The following KCNK3 variants were observed in gnomAD, a reference collection of about 807,000 sequenced individuals.
KCNK3 encodes the protein potassium two pore domain channel subfamily K member 3, also known as potassium channel subfamily K member 3.
In KCNK3, 9 loss-of-function variants were observed where a neutral mutation model predicts 27.3. The observed-to-expected ratio is 0.33, with a 90% CI of 0.20 to 0.57. KCNK3 has a LOEUF of 0.57. KCNK3 is among the 20% of genes least tolerant of loss of function. The probability of loss-of-function intolerance (pLI) is 0.87; values close to 1 mark genes in which losing one functional copy is unlikely to be tolerated. For missense variants in KCNK3, 391 were observed against 577.7 expected, an observed-to-expected ratio of 0.68 and a Z score of 3.31; for synonymous variants, 278 against 273.8, an observed-to-expected ratio of 1.02 and a Z score of -0.15.
At chr2:26,699,368 G>A (rs977779188) in intron 1 of KCNK3, among the ~76,000 whole-genome samples, 2 of 152,242 alleles carry the variant, frequency 1.3e-5, no homozygotes, top group African/African-American at 2.4e-5. Flanking sequence ...ACGCATTACC[G>A]TTAGGGGCTG....
Position 26,727,692 on chromosome 2 carries a change from G to C in KCNK3, c.309G>C (p.Thr103=). 6.5e-7 allele frequency: 1 copy of C among 1,528,760 alleles called. No homozygotes were observed. The highest frequency in any genetic ancestry group is 8.8e-7 in the Non-Finnish European group (1 of 1,136,412). The allele number at this position is 1,528,760 out of a possible 1,614,324, so 94.7% of individuals were successfully genotyped here. A position where few individuals can be genotyped will look rare whatever the true frequency, so the allele number is the denominator to read the frequency against. The change falls in exon 2 of 2, where the codon ACG becomes ACC. Residue 103 remains threonine, a synonymous_variant. Coordinates refer to ENST00000302909, the MANE Select transcript of KCNK3 (RefSeq NM_002246.3). The part of the protein sequence containing the change: ...TIGYGHAAPS[T]DGGKVFCMFY... ...GCTACGGGCACGCGGCACCCAGCAC[G>C]GATGGCGGCAAGGTGTTCTGCATGT...
chr2:26,712,604 C>T (rs1663141846), intron 1 of KCNK3, among the ~76,000 whole-genome samples: 2 of 151,932 alleles, frequency 1.3e-5, no homozygotes, highest in East Asian at 1.9e-4. Flanking sequence ...ACCCTATAAC[C>T]TATCGGGATG....
chr2:26,724,158 G>A (rs373274686), intron 1 of KCNK3, among the ~76,000 whole-genome samples: 13 of 152,192 alleles, frequency 8.5e-5, no homozygotes, highest in Non-Finnish European at 1.6e-4. Flanking sequence ...CAAGTTGGGC[G>A]CCCACGTCAG....
intron 1 of KCNK3, among the ~76,000 whole-genome samples, chr2:26,703,824 G>A (rs1346176427): frequency 2.0e-5 from 3 of 152,174 alleles, no homozygotes; most frequent in Admixed American, 6.5e-5. Flanking sequence ...TGAACAATGC[G>A]TGAGGACTTC....
At chr2:26,694,457 A>G (rs1477359922) in intron 1 of KCNK3, among the ~76,000 whole-genome samples, 1 of 152,170 alleles carries the variant, frequency 6.6e-6, no homozygotes, top group African/African-American at 2.4e-5. Context: ...AAAAGGCAGG[A>G]CTAGACACTC....
intron 1 of KCNK3, among the ~76,000 whole-genome samples, chr2:26,698,672 A>G (rs974341811): frequency 5.3e-5 from 8 of 152,092 alleles, no homozygotes; most frequent in Admixed American, 3.9e-4. Context: ...AGTGAGGTTG[A>G]GGGCCAGGAG....
At chr2:26,713,879 C>T (rs1663175428) in intron 1 of KCNK3, among the ~76,000 whole-genome samples, 1 of 151,688 alleles carries the variant, frequency 6.6e-6, no homozygotes, top group African/African-American at 2.4e-5. Context: ...AGTTCCTGAC[C>T]AGCCTGGCCC....
At chr2:26,706,785 T>G (rs1670379655) in intron 1 of KCNK3, among the ~76,000 whole-genome samples, 1 of 152,088 alleles carries the variant, frequency 6.6e-6, no homozygotes, top group South Asian at 2.1e-4. Context: ...GGCAGGCATC[T>G]CGTCCTTTCT....
At chr2:26,697,741 G>A (rs929110631) in intron 1 of KCNK3, among the ~76,000 whole-genome samples, 2 of 152,026 alleles carry the variant, frequency 1.3e-5, no homozygotes, top group African/African-American at 2.4e-5. Context: ...TGATTGATTC[G>A]CTGATGGGGC....
chr2:26,700,632 G>A (rs1205053620), intron 1 of KCNK3, among the ~76,000 whole-genome samples: 1 of 152,226 alleles, frequency 6.6e-6, no homozygotes, highest in Non-Finnish European at 1.5e-5. Flanking sequence ...GTGGCTGCCA[G>A]GAATGTGGGG....
At chr2:26,716,566 C>A (rs1663234625) in intron 1 of KCNK3, among the ~76,000 whole-genome samples, 2 of 151,908 alleles carry the variant, frequency 1.3e-5, no homozygotes, top group African/African-American at 4.8e-5. Flanking sequence ...GGAGTAGAAG[C>A]CCAACAGGCA....
intron 1 of KCNK3, among the ~76,000 whole-genome samples, chr2:26,701,370 A>T (rs1352751068): frequency 6.6e-6 from 1 of 152,148 alleles, no homozygotes; most frequent in African/African-American, 2.4e-5. Context: ...AGGTAGAAGA[A>T]AGGGAAGTGG....
chr2:26,724,602 G>C, intron 1 of KCNK3: 1 of 985,466 alleles, frequency 1.0e-6, no homozygotes, highest in Non-Finnish European at 1.2e-6. Context: ...GCGGTAGGAA[G>C]TGAGATTGAG....
chr2:26,706,425 G>A (rs1027928484), intron 1 of KCNK3, among the ~76,000 whole-genome samples: 5 of 152,134 alleles, frequency 3.3e-5, no homozygotes, highest in Non-Finnish European at 5.9e-5. Context: ...GGTCAGCCCA[G>A]GGGAGGCCCC....
rs1167850277 is a variant in KCNK3, at chr2:26,728,497, A to T, written c.1114A>T (p.Ser372Cys). 1.3e-6 allele frequency: 2 copies of T among 1,533,138 alleles called. No individual in the cohort carries two copies. Among genetic ancestry groups the T allele is most frequent in the Non-Finnish European group, 8.8e-7 (1 of 1,137,232 alleles). 95.0% of individuals were successfully genotyped at this position (1,533,138 alleles called of 1,614,324 possible). A position where few individuals can be genotyped will look rare whatever the true frequency, so the allele number is the denominator to read the frequency against. ...CAGCGGGGCGCCACGCTCCGCCATCAGCTCGGTGTCCACGGGTCTGCACAG... is the reference window on the plus strand; with the variant it reads ...CAGCGGGGCGCCACGCTCCGCCATCTGCTCGGTGTCCACGGGTCTGCACAG... ...LCSGAPRSAI[S>C]SVSTGLHSLS... is the part of the protein sequence containing the mutation. The change falls in exon 2 of 2, where the codon AGC becomes TGC. Residue 372 changes from serine (S) to cysteine (C), a missense_variant. This residue lies in a region of KCNK3 where 192 missense variants were observed against 196.0 expected (regional missense o/e 0.98). Coordinates refer to ENST00000302909, the MANE Select transcript of KCNK3 (RefSeq NM_002246.3).
At chr2:26,705,227 G>A (rs1670358149) in intron 1 of KCNK3, among the ~76,000 whole-genome samples, 1 of 152,126 alleles carries the variant, frequency 6.6e-6, no homozygotes, top group African/African-American at 2.4e-5. Context: ...CCAAAGTTCT[G>A]GAATTACAGG....
intron 1 of KCNK3, among the ~76,000 whole-genome samples, chr2:26,722,793 C>G (rs559260086): frequency 1.3e-5 from 2 of 152,358 alleles, no homozygotes; most frequent in African/African-American, 4.8e-5. Context: ...GCACTGATCA[C>G]CACATCGAAC....
rs976635349 is a variant in KCNK3 at position 26,731,288 on chromosome 2, A to T, written c.*2720A>T. On this transcript the variant is annotated 3_prime_UTR_variant, in exon 2 of 2. Transcript: ENST00000302909. ...CCCCCTCCCCTGCCGGGGTCTACAAACATATCTAGCTGCTGGGTGCCGTGG... is the reference window on the plus strand; with the variant it reads ...CCCCCTCCCCTGCCGGGGTCTACAATCATATCTAGCTGCTGGGTGCCGTGG... The T allele has an allele frequency of 6.6e-6, 1 of 152,288 alleles. No homozygotes were observed. The highest frequency in any genetic ancestry group is 1.5e-5 in the Non-Finnish European group (1 of 68,150). The allele number at this position is 152,288 out of a possible 1,614,324, so 9.4% of individuals were successfully genotyped here.
chr2:26,726,847 G>A (rs1663429788), intron 1 of KCNK3, among the ~76,000 whole-genome samples: 1 of 152,150 alleles, frequency 6.6e-6, no homozygotes, highest in African/African-American at 2.4e-5. Flanking sequence ...GAAAGACACC[G>A]AGGGCTCCTG....
Sources: allele counts gnomAD v4.1 joint callset (sites outside exome capture counted in the v4.1 genomes callset), GRCh38; gene constraint gnomAD v4.1.1; regional missense constraint gnomAD v4.1.1; transcripts MANE v1.5; gene names NCBI Gene and HGNC (gene_info 2026-07-23, HGNC 2026-07-21).